ERG: variants seen among roughly 807,000 people sequenced by gnomAD.
ERG encodes the protein ETS transcription factor ERG, also known as transcriptional regulator ERG.
Under a neutral mutation model 55.3 loss-of-function variants are expected in ERG, and 9 were observed. That is an observed-to-expected ratio of 0.16 (90% confidence interval 0.10 to 0.28). ERG has a LOEUF of 0.28. Among genes scored for constraint, ERG ranks in the 10% least tolerant of loss-of-function variants. The pLI is 1.00. For synonymous variants in ERG, 223 were observed against 237.3 expected (o/e 0.94, Z 0.55); for missense variants, 434 against 631.6 (o/e 0.69, Z 3.35).
downstream of ERG, among the ~76,000 whole-genome samples, chr21:38,375,556 T>C (rs1475935679): frequency 6.6e-6 from 1 of 152,168 alleles, no homozygotes; most frequent in Non-Finnish European, 1.5e-5. Flanking sequence ...AGTAACCTTA[T>C]TTCCAAAAAC....
chr21:38,576,369 G>A (rs1164559154), intron 1 of ERG, among the ~76,000 whole-genome samples: 1 of 152,140 alleles, frequency 6.6e-6, no homozygotes, highest in Non-Finnish European at 1.5e-5. Flanking sequence ...GGATCACCTG[G>A]TTAATAAGCG....
intron 1 of ERG, among the ~76,000 whole-genome samples, chr21:38,597,702 C>T (rs563399755): frequency 6.6e-6 from 1 of 152,240 alleles, no homozygotes; most frequent in East Asian, 1.9e-4. Context: ...ATCTTCCAAC[C>T]ATACTCCCAG....
At chr21:38,563,912 T>A (rs751700558) in intron 2 of ERG, among the ~76,000 whole-genome samples, 3 of 152,214 alleles carry the variant, frequency 2.0e-5, no homozygotes, top group Admixed American at 2.0e-4. Flanking sequence ...GAGCCAGAAA[T>A]CCAATTCACT....
chr21:38,563,372 T>C (rs920628723), intron 2 of ERG, among the ~76,000 whole-genome samples: 3 of 152,204 alleles, frequency 2.0e-5, no homozygotes, highest in Non-Finnish European at 4.4e-5. Context: ...ATGTTGATAG[T>C]GGTGGAAGCT....
At chr21:38,566,334 C>T (rs2059922738) in intron 2 of ERG, among the ~76,000 whole-genome samples, 1 of 152,192 alleles carries the variant, frequency 6.6e-6, no homozygotes, top group South Asian at 2.1e-4. Flanking sequence ...CCCTCCAATT[C>T]CTGCTTCCCC....
chr21:38,416,935 G>A (rs144837040), intron 3 of ERG, among the ~76,000 whole-genome samples: 3 of 152,320 alleles, frequency 2.0e-5, no homozygotes, highest in African/African-American at 4.8e-5. Flanking sequence ...AAGGGCTTTC[G>A]AAATCACATC....
chr21:38,638,247 G>A (rs991166791), intron 1 of ERG, among the ~76,000 whole-genome samples: 4 of 152,190 alleles, frequency 2.6e-5, no homozygotes, highest in Non-Finnish European at 4.4e-5. Flanking sequence ...GAATAACAGA[G>A]CCCCTCCCAG....
intron 1 of ERG, among the ~76,000 whole-genome samples, chr21:38,631,269 G>T (rs1421642607): frequency 6.6e-6 from 1 of 152,092 alleles, no homozygotes; most frequent in African/African-American, 2.4e-5. Flanking sequence ...GGTTGTCTTG[G>T]TTAAAAATGT....
chr21:38,372,356 C>CACTT, the ERG span, among the ~76,000 whole-genome samples: 3 of 151,792 alleles, frequency 2.0e-5, no homozygotes, highest in African/African-American at 7.2e-5. Flanking sequence ...TATAATATCC[C>CACTT]ACTTCCTAAT....
chr21:38,451,823 T>C (rs2058944605), intron 1 of ERG, among the ~76,000 whole-genome samples: 1 of 152,208 alleles, frequency 6.6e-6, no homozygotes, highest in East Asian at 1.9e-4. Flanking sequence ...CAGTATCTCA[T>C]TAAACAAGAA....
At chr21:38,566,233 C>T (rs2059922061) in intron 2 of ERG, among the ~76,000 whole-genome samples, 1 of 152,144 alleles carries the variant, frequency 6.6e-6, no homozygotes, top group Admixed American at 6.5e-5. Flanking sequence ...AGCAAAAACC[C>T]ATAATAAGTA....
chr21:38,557,499 G>A (rs2059865279), intron 2 of ERG, among the ~76,000 whole-genome samples: 1 of 151,700 alleles, frequency 6.6e-6, no homozygotes, highest in South Asian at 2.1e-4. Context: ...GGACTTCTGG[G>A]ACCAACCTGA....
At chr21:38,624,686 C>G (rs930071105) in intron 1 of ERG, among the ~76,000 whole-genome samples, 2 of 152,170 alleles carry the variant, frequency 1.3e-5, no homozygotes, top group African/African-American at 4.8e-5. Context: ...GGACACTTAA[C>G]CTTCCTGTAT....
At chr21:38,457,215 C>T (rs965456504) in intron 1 of ERG, among the ~76,000 whole-genome samples, 1 of 152,050 alleles carries the variant, frequency 6.6e-6, no homozygotes, top group African/African-American at 2.4e-5. Context: ...GGCAGGCAGA[C>T]CACGAGGTCA....
intron 2 of ERG, among the ~76,000 whole-genome samples, chr21:38,559,383 C>CTTTTTTTTTTTTTTTTTTTTTTTTTTT (rs574207119): frequency 1.1e-5 from 1 of 92,076 alleles, no homozygotes; most frequent in Non-Finnish European, 1.9e-5. Flanking sequence ...TCCCATTTCC[C>CTTTTTTTTTTTTTTTTTTTTTTTTTTT]TTTTTTTTTT....
intron 1 of ERG, among the ~76,000 whole-genome samples, chr21:38,621,455 G>A (rs190778702): frequency 1.3e-5 from 2 of 152,146 alleles, no homozygotes; most frequent in African/African-American, 2.4e-5. Context: ...CCATCTCCCC[G>A]CTGCCATGAG....
intron 2 of ERG, among the ~76,000 whole-genome samples, chr21:38,429,587 GTGTATATGTACA>G (rs1209992585): frequency 1.5e-5 from 1 of 65,960 alleles, no homozygotes; most frequent in African/African-American, 4.4e-5. Flanking sequence ...ATATACATAT[GTGTATATGTACA>G]TGTATACACA....
intron 1 of ERG, among the ~76,000 whole-genome samples, chr21:38,447,894 TATCAGAA>T (rs2058906516): frequency 6.6e-6 from 1 of 152,130 alleles, no homozygotes; most frequent in Admixed American, 6.6e-5. Flanking sequence ...GTGTGATTTA[TATCAGAA>T]ATTGGCGAAA....
At chr21:38,410,358 A>G (rs1988987549) in intron 3 of ERG, among the ~76,000 whole-genome samples, 1 of 152,266 alleles carries the variant, frequency 6.6e-6, no homozygotes, top group Non-Finnish European at 1.5e-5. Flanking sequence ...TCATCATTCT[A>G]CATGTCATGG....
Sources: gnomAD v4.1 joint callset for allele counts (sites outside exome capture counted in the v4.1 genomes callset) on GRCh38, gnomAD v4.1.1 for gene constraint, MANE v1.5 for transcripts, NCBI Gene and HGNC (gene_info 2026-07-23, HGNC 2026-07-21) for gene names.